Variants in RPGRIP1 observed in about 807,000 individuals in gnomAD.
The protein encoded by RPGRIP1 is X-linked retinitis pigmentosa GTPase regulator-interacting protein 1.
RPGRIP1 carries 128 observed loss-of-function variants against 157.9 expected under a neutral mutation model. That is an observed-to-expected ratio of 0.81 (90% CI 0.70 to 0.94). The LOEUF is 0.94. Ranked by LOEUF, RPGRIP1 falls within the 40% of genes least tolerant of loss-of-function variation. RPGRIP1 has a pLI of 0.00. For missense variants in RPGRIP1, 1,486 were observed against 1,545.8 expected, an observed-to-expected ratio of 0.96 and a Z score of 0.65; for synonymous variants, 554 against 571.6, an observed-to-expected ratio of 0.97 and a Z score of 0.44.
chr14:21,286,046 A>G (rs1362239664), intron 1 of RPGRIP1, among the ~76,000 whole-genome samples: 5 of 151,926 alleles, frequency 3.3e-5, no homozygotes, highest in Non-Finnish European at 7.4e-5. Context: ...CTGGAGTGCA[A>G]TGGCACAATT....
intron 20 of RPGRIP1, among the ~76,000 whole-genome samples, chr14:21,333,022 C>T (rs1308317906): frequency 6.6e-6 from 1 of 152,130 alleles, no homozygotes; most frequent in Non-Finnish European, 1.5e-5. Context: ...ATCGCTTGAA[C>T]CTGGGAGGCA....
At chr14:21,283,795 T>G (rs1195708033) in intron 1 of RPGRIP1, among the ~76,000 whole-genome samples, 2 of 151,998 alleles carry the variant, frequency 1.3e-5, no homozygotes, top group Non-Finnish European at 1.5e-5. Flanking sequence ...GTAGCCGGAT[T>G]ACAGGCGCCT....
chr14:21,331,581 T>C (rs899471052), intron 20 of RPGRIP1, among the ~76,000 whole-genome samples: 5 of 152,036 alleles, frequency 3.3e-5, no homozygotes, highest in Non-Finnish European at 5.9e-5. Flanking sequence ...TTGGCACCCC[T>C]TCAAATTTTA....
chr14:21,335,046 CA>C (rs869065591), intron 21 of RPGRIP1, among the ~76,000 whole-genome samples: 1,829 of 28,082 alleles, frequency 0.065, 10 homozygotes, highest in African/African-American at 0.17. Flanking sequence ...AACTCTGTCT[CA>C]AAAAAAAAAA....
At position 21,321,937 on chromosome 14, in the gene RPGRIP1, A is replaced by T; in HGVS notation, c.1695A>T (p.Leu565=). ...AGCTGGAGAGGTTGACTCGACTACT[A>T]GACCTCAAGAATAACCGTATCAAGC... ...KEKLERLTRL[L]DLKNNRIKQL... is the part of the protein sequence containing the mutation. Residue 565 remains leucine (L), a synonymous_variant, in exon 14 of 25, where the codon CTA becomes CTT. Transcript: ENST00000400017. The T allele has an allele frequency of 6.2e-7, 1 of 1,613,770 alleles. No homozygotes were observed. The highest frequency in any genetic ancestry group is 8.5e-7 in the Non-Finnish European group (1 of 1,179,724).
In RPGRIP1 at chr14:21,344,345, A is replaced by T. The variant is rs549246767; in HGVS notation, c.3533-768A>T. Among the ~76,000 whole-genome samples, 3 of 152,262 alleles carry T rather than the reference A, an allele frequency of 2.0e-5. No homozygotes were observed. The South Asian group carries it at 6.2e-4, about 32-fold the overall frequency. On this transcript the variant is annotated intron_variant, in intron 22 of 24. Transcript: ENST00000400017. ...AACAGTCTTCCCAAATTTTGAAATA[A>T]TCAAACCTGTCAAATTATCTACTCA...
intron 23 of RPGRIP1, among the ~76,000 whole-genome samples, chr14:21,346,363 G>A (rs138128876): frequency 0.027 from 4,140 of 152,030 alleles, 157 homozygotes; most frequent in African/African-American, 0.082. Context: ...CAGCCTGGCC[G>A]ACATGGTGAA....
chr14:21,331,009 A>G (rs949355827), intron 20 of RPGRIP1, among the ~76,000 whole-genome samples: 8 of 151,796 alleles, frequency 5.3e-5, no homozygotes, highest in African/African-American at 1.9e-4. Flanking sequence ...TCCTGGGTTC[A>G]AGCAATTCTC....
At position 21,323,635 on chromosome 14, in the gene RPGRIP1, A is replaced by G. The variant is rs58249878; in HGVS notation, c.1763-983A>G. Among the ~76,000 whole-genome samples the G allele has an allele frequency of 5.5e-4, 83 of 152,176 alleles. 1 individual carries two copies. In the East Asian group the frequency reaches 0.015, roughly 28 times the overall value. ...TTCCTTTTGAGAATTGACCGTTCCTATCCTTTGCCTACTTCTTAACAGTAT... is the reference window on the plus strand; with the variant it reads ...TTCCTTTTGAGAATTGACCGTTCCTGTCCTTTGCCTACTTCTTAACAGTAT... On this transcript the variant is annotated intron_variant, in intron 14 of 24. Coordinates refer to ENST00000400017, the MANE Select transcript of RPGRIP1 (RefSeq NM_020366.4).
intron 6 of RPGRIP1, among the ~76,000 whole-genome samples, chr14:21,305,504 G>T (rs904880804): frequency 6.6e-6 from 1 of 152,212 alleles, no homozygotes. Context: ...GAATAAAGCT[G>T]CTATTAACAT....
chr14:21,282,426 C>T (rs1412562049), intron 1 of RPGRIP1, among the ~76,000 whole-genome samples: 5 of 151,304 alleles, frequency 3.3e-5, no homozygotes, highest in African/African-American at 1.2e-4. Context: ...TTAGTAGAGA[C>T]GGGGTTTCAC....
intron 19 of RPGRIP1, among the ~76,000 whole-genome samples, chr14:21,329,483 A>G (rs1471714156): frequency 6.6e-6 from 1 of 151,106 alleles, no homozygotes; most frequent in Non-Finnish European, 1.5e-5. Flanking sequence ...AATACTATAT[A>G]TATTTTTAAA....
Position 21,346,990 on chromosome 14 carries a change from C to T in RPGRIP1, c.3618-1182C>T, listed in dbSNP as rs193275351. 1.1e-3 allele frequency among the ~76,000 whole-genome samples: 167 copies of T among 152,366 alleles called. 1 individual carries two copies. The highest frequency in any genetic ancestry group is 1.9e-4 in the Non-Finnish European group (13 of 68,038). On this transcript the variant is annotated intron_variant, in intron 23 of 24. Transcript: ENST00000400017. ...CACTGTGGGCTTAAACAGATGTAAG[C>T]TTACAGAGAACTTTTGGACATGGAA...
Position 21,330,407 on chromosome 14 carries a change from AT to A in RPGRIP1, c.3238+28del, listed in dbSNP as rs751983746. 4.8e-5 allele frequency: 70 copies of A among 1,454,078 alleles called. 1 individual carries two copies. The highest frequency in any genetic ancestry group is 1.6e-4 in the South Asian group (10 of 64,326). 90.1% of individuals were successfully genotyped at this position (1,454,078 alleles called of 1,614,324 possible). On this transcript the variant is annotated intron_variant, in intron 20 of 24. Coordinates refer to ENST00000400017, the MANE Select transcript of RPGRIP1 (RefSeq NM_020366.4). ...TAAATGGTATTGTCTTTTAAAATCT[AT>A]TTTTTTTCCTAGCACTTTGGGAGGC...
rs764967308 is a variant in RPGRIP1, at chr14:21,294,748, C to T, written c.157C>T (p.Leu53Phe). Residue 53 changes from leucine (L) to phenylalanine (F), a missense_variant, in exon 3 of 25, where the codon CTT becomes TTT. Transcript: ENST00000400017. ...REELEDSFFRLREDHMLVKEL... is the reference protein window; with the variant it reads ...REELEDSFFRFREDHMLVKEL... ...GGAATTGGAGGACAGTTTCTTTCGA[C>T]TTCGCGAAGATCACATGTTGGTGAA... The T allele has an allele frequency of 6.2e-7, 1 of 1,610,620 alleles. No individual in the cohort carries two copies. The highest frequency in any genetic ancestry group is 8.5e-7 in the Non-Finnish European group (1 of 1,178,374).
Position 21,294,698 on chromosome 14 carries a change from CA to C in RPGRIP1, c.108del (p.Leu38Ter). On this transcript the variant is annotated frameshift_variant, in exon 3 of 25. Transcript: ENST00000400017. LOFTEE classifies it high-confidence loss of function. ...TTAGGTAAGAATATGAAAACTCAACCACCCTTGAGCAGGATGAACCGGGAGG... is the reference window on the plus strand; with the variant it reads ...TTAGGTAAGAATATGAAAACTCAACCCCCTTGAGCAGGATGAACCGGGAGG... ...ASKGKNMKTQ[P>X]PLSRMNREEL... The C allele has an allele frequency of 1.2e-6, 2 of 1,613,322 alleles. No individual in the cohort carries two copies. Among genetic ancestry groups the C allele is most frequent in the Non-Finnish European group, 1.7e-6 (2 of 1,179,568 alleles).
rs970696880 is a variant in RPGRIP1, at chr14:21,325,231, G to A, written c.2216-1G>A. ...CTGCTTTCACACTTTCTGCTACCCAGGAGCTGGTGGAGAAGAGTTCGGGGT... is the reference window on the plus strand; with the variant it reads ...CTGCTTTCACACTTTCTGCTACCCAAGAGCTGGTGGAGAAGAGTTCGGGGT... On this transcript the variant is annotated splice_acceptor_variant, in intron 15 of 24. Transcript: ENST00000400017. LOFTEE classifies it high-confidence loss of function. 1 of 1,602,132 alleles carries A rather than the reference G, an allele frequency of 6.2e-7. No homozygotes were observed. The highest frequency in any genetic ancestry group is 8.5e-7 in the Non-Finnish European group (1 of 1,174,412).
rs544809900 is a variant in RPGRIP1, at chr14:21,281,254, T to C, written c.-39+1095T>C. Among the ~76,000 whole-genome samples, 173 of 152,162 alleles carry C rather than the reference T, an allele frequency of 1.1e-3. 1 individual carries two copies. Among genetic ancestry groups the C allele is most frequent in the African/African-American group, 3.9e-3 (163 of 41,542 alleles). ...GGCCAGGATGGTCTTGATCTCTTGATCTTGTGATCTGCCCGCCTTGGCCTC... is the reference window on the plus strand; with the variant it reads ...GGCCAGGATGGTCTTGATCTCTTGACCTTGTGATCTGCCCGCCTTGGCCTC... On this transcript the variant is annotated intron_variant, in intron 1 of 24. Transcript: ENST00000400017.
chr14:21,304,420 A>AAAGAAAGAAAGG (rs1555365572), intron 6 of RPGRIP1, among the ~76,000 whole-genome samples: 1,704 of 150,920 alleles, frequency 0.011, 42 homozygotes, highest in East Asian at 0.1. Flanking sequence ...AGAAAGAAAG[A>AAAGAAAGAAAGG]AAGAAAGAAA....
Sources: gnomAD v4.1 joint callset for allele counts (sites outside exome capture counted in the v4.1 genomes callset) on GRCh38, gnomAD v4.1.1 for gene constraint, MANE v1.5 for transcripts, NCBI Gene and HGNC (gene_info 2026-07-23, HGNC 2026-07-21) for gene names.